Variants in RNF180 observed in about 807,000 individuals in gnomAD.
The protein encoded by RNF180 is ring finger protein 180, also known as E3 ubiquitin-protein ligase RNF180.
Under a neutral mutation model 59.2 loss-of-function variants are expected in RNF180, and 38 were observed. That is an observed-to-expected ratio of 0.64 (90% CI 0.50 to 0.84). The LOEUF (loss-of-function observed/expected upper bound fraction) is 0.84, where lower values mean the gene tolerates loss of function less well. Among genes scored for constraint, RNF180 ranks in the 40% least tolerant of loss-of-function variants. The pLI is 0.00. For synonymous variants in RNF180, 262 were observed against 240.3 expected (o/e 1.09, Z -0.84); for missense variants, 705 against 700.9 (o/e 1.01, Z -0.07).
At chr5:64,321,729 A>G (rs1337858607) in intron 5 of RNF180, among the ~76,000 whole-genome samples, 1 of 152,192 alleles carries the variant, frequency 6.6e-6, no homozygotes, top group Admixed American at 6.5e-5. Context: ...CAAAAAGAAG[A>G]AGGCTGGAGG....
intron 5 of RNF180, among the ~76,000 whole-genome samples, chr5:64,269,341 A>C (rs1744870232): frequency 6.6e-6 from 1 of 152,020 alleles, no homozygotes; most frequent in Non-Finnish European, 1.5e-5. Flanking sequence ...GGGCCCACGC[A>C]ATCTGTTGTA....
intron 7 of RNF180, among the ~76,000 whole-genome samples, chr5:64,350,246 C>G (rs1414296124): frequency 3.3e-5 from 5 of 152,074 alleles, no homozygotes; most frequent in African/African-American, 4.8e-5. Context: ...ATCCTTTGCC[C>G]ACTTTGTGAT....
At chr5:64,218,298 T>C (rs1752741772) in intron 5 of RNF180, among the ~76,000 whole-genome samples, 1 of 152,216 alleles carries the variant, frequency 6.6e-6, no homozygotes, top group South Asian at 2.1e-4. Flanking sequence ...AATTAATTTG[T>C]AATAAGTTGT....
chr5:64,342,186 TG>T (rs1168002696), intron 7 of RNF180, among the ~76,000 whole-genome samples: 3 of 152,034 alleles, frequency 2.0e-5, no homozygotes, highest in African/African-American at 2.4e-5. Context: ...TGGCAATAAC[TG>T]GGGGGAAATT....
chr5:64,228,915 C>CTTTTTT (rs373212886), intron 5 of RNF180, among the ~76,000 whole-genome samples: 8 of 98,490 alleles, frequency 8.1e-5, no homozygotes, highest in Non-Finnish European at 1.2e-4. Context: ...TCTATTACTG[C>CTTTTTT]TTTTTTTTTT....
chr5:64,368,618 AAAAC>A (rs1447997693), intron 7 of RNF180, among the ~76,000 whole-genome samples: 24 of 152,042 alleles, frequency 1.6e-4, no homozygotes, highest in African/African-American at 4.3e-4. Context: ...TTACAAGAAA[AAAAC>A]AAACAACCCC....
chr5:64,187,108 G>C (rs566446106), intron 1 of RNF180, among the ~76,000 whole-genome samples: 1 of 152,102 alleles, frequency 6.6e-6, no homozygotes, highest in Non-Finnish European at 1.5e-5. Flanking sequence ...ATGTCACTTG[G>C]ATTGAAATAC....
At chr5:64,318,593 ATTTACT>A (rs1387499938) in intron 5 of RNF180, among the ~76,000 whole-genome samples, 1 of 152,172 alleles carries the variant, frequency 6.6e-6, no homozygotes, top group Non-Finnish European at 1.5e-5. Context: ...GAAAATTTTC[ATTTACT>A]TTATACATAC....
At chr5:64,254,915 C>A (rs913378801) in intron 5 of RNF180, among the ~76,000 whole-genome samples, 3 of 152,100 alleles carry the variant, frequency 2.0e-5, no homozygotes, top group Admixed American at 2.0e-4. Flanking sequence ...TATCTGATAT[C>A]TTTCTCTTTG....
intron 1 of RNF180, among the ~76,000 whole-genome samples, chr5:64,172,616 A>T (rs1750001651): frequency 6.6e-6 from 1 of 152,194 alleles, no homozygotes; most frequent in South Asian, 2.1e-4. Context: ...GTATCTGATG[A>T]TAAATGTAAT....
intron 5 of RNF180, among the ~76,000 whole-genome samples, chr5:64,241,031 A>C (rs1219355512): frequency 6.6e-6 from 1 of 152,254 alleles, no homozygotes; most frequent in East Asian, 1.9e-4. Context: ...ATGTTATTGA[A>C]TGAATGACAT....
intron 7 of RNF180, among the ~76,000 whole-genome samples, chr5:64,343,617 T>C (rs1480782247): frequency 6.6e-6 from 1 of 151,164 alleles, no homozygotes; most frequent in Admixed American, 6.6e-5. Flanking sequence ...TAAAAACATC[T>C]AGAAAAAAAA....
rs566446106 is a variant in RNF180 at position 64,187,108 on chromosome 5, G to A, written c.1-13700G>A. ...TTATAATTCTTAAAGATGTCACTTG[G>A]ATTGAAATACTGCAGTGGGCATTCA... On this transcript the variant is annotated intron_variant, in intron 1 of 7. Transcript: ENST00000389100. Among the ~76,000 whole-genome samples the A allele has an allele frequency of 2.0e-3, 303 of 152,220 alleles. 1 individual carries two copies. The highest frequency in any genetic ancestry group is 3.7e-3 in the Non-Finnish European group (254 of 67,980).
Position 64,203,149 on chromosome 5 carries a change from C to G in RNF180, c.135+2207C>G, listed in dbSNP as rs1173293564. On this transcript the variant is annotated intron_variant, in intron 2 of 7. Transcript: ENST00000389100. Reference sequence around the variant, plus strand: ...TGGGATGGATAGTGGAAGAGTGATACAGAGTTGAAAAAATATACTCTGGTC... The same window carrying G: ...TGGGATGGATAGTGGAAGAGTGATAGAGAGTTGAAAAAATATACTCTGGTC... Among the ~76,000 whole-genome samples, 3 of 152,128 alleles carry G rather than the reference C, an allele frequency of 2.0e-5. No individual in the cohort carries two copies. In the East Asian group the frequency reaches 5.8e-4, roughly 29 times the overall value.
intron 5 of RNF180, among the ~76,000 whole-genome samples, chr5:64,296,336 G>A (rs1742879129): frequency 6.6e-6 from 1 of 152,076 alleles, no homozygotes; most frequent in Admixed American, 6.6e-5. Context: ...ATAAAGTGTG[G>A]GTGAACATGG....
At chr5:64,357,890 AAAGAC>A (rs1262984947) in intron 7 of RNF180, among the ~76,000 whole-genome samples, 1 of 151,904 alleles carries the variant, frequency 6.6e-6, no homozygotes, top group Non-Finnish European at 1.5e-5. Flanking sequence ...AAATTGAAGA[AAAGAC>A]AAGAGTAACT....
chr5:64,296,105 C>G (rs1742869997), intron 5 of RNF180, among the ~76,000 whole-genome samples: 1 of 152,130 alleles, frequency 6.6e-6, no homozygotes, highest in Non-Finnish European at 1.5e-5. Context: ...CTACAGGCTA[C>G]TTCAGACAAC....
intron 7 of RNF180, among the ~76,000 whole-genome samples, chr5:64,352,674 T>G (rs1401806666): frequency 1.3e-5 from 2 of 152,032 alleles, no homozygotes; most frequent in African/African-American, 4.8e-5. Flanking sequence ...GTAAGATATA[T>G]TTGTGTATTT....
At chr5:64,357,294 A>G (rs1746066065) in intron 7 of RNF180, among the ~76,000 whole-genome samples, 1 of 151,616 alleles carries the variant, frequency 6.6e-6, no homozygotes, top group Non-Finnish European at 1.5e-5. Flanking sequence ...GACTATAAAT[A>G]TATCTCTCCA....
Sources: allele counts gnomAD v4.1 joint callset (sites outside exome capture counted in the v4.1 genomes callset), GRCh38; gene constraint gnomAD v4.1.1; transcripts MANE v1.5; gene names NCBI Gene and HGNC (gene_info 2026-07-23, HGNC 2026-07-21).